ADCK5: variants seen among roughly 807,000 people sequenced by gnomAD.
The protein encoded by ADCK5 is uncharacterized aarF domain-containing protein kinase 5.
Under a neutral mutation model 64.9 loss-of-function variants are expected in ADCK5, and 43 were observed. The observed-to-expected ratio is 0.66, with a 90% CI of 0.52 to 0.85. The LOEUF is 0.85. Among genes scored for constraint, ADCK5 ranks in the 40% least tolerant of loss-of-function variants. The pLI is 0.00. For missense variants in ADCK5, 760 were observed against 810.5 expected (o/e 0.94, Z 0.76); for synonymous variants, 434 against 342.8 (o/e 1.27, Z -2.94).
intron 3 of ADCK5, among the ~76,000 whole-genome samples, chr8:144,386,936 C>T (rs1467354313): frequency 3.3e-5 from 5 of 152,232 alleles, no homozygotes; most frequent in Non-Finnish European, 7.3e-5. Context: ...TTCTTCATTG[C>T]ACATGATTGG....
intron 1 of ADCK5, chr8:144,375,781 G>A: frequency 1.8e-6 from 1 of 551,512 alleles, no homozygotes; most frequent in Non-Finnish European, 2.3e-6. Flanking sequence ...CTGACAGGGG[G>A]CACCCGTTTC....
In ADCK5 at chr8:144,390,980, A is replaced by G. The variant is rs781903388; in HGVS notation, c.467A>G (p.Asn156Ser). 1.1e-5 allele frequency: 17 copies of G among 1,612,888 alleles called. No homozygotes were observed. The highest frequency in any genetic ancestry group is 1.4e-5 in the Non-Finnish European group (17 of 1,179,962). The change falls in exon 5 of 15, where the codon AAC becomes AGC. Residue 156 changes from asparagine (N) to serine (S), a missense_variant. By Grantham distance (46) the Asn-to-Ser change is conservative. This residue lies in a region of ADCK5 where 427 missense variants were observed against 518.4 expected (regional missense o/e 0.82). Transcript: ENST00000308860. ...CTGGGCCAGGGGCTGTGCTCCTTCA[A>G]CCACCTGCTTCCCCCCGAGTATACC... ...VKLGQGLCSF[N>S]HLLPPEYTRT...
At chr8:144,383,004 G>A (rs1443289054) in intron 2 of ADCK5, 77 bp from the exon 3 acceptor site, 7 of 1,534,622 alleles carry the variant, frequency 4.6e-6, no homozygotes, top group Non-Finnish European at 6.2e-6. Flanking sequence ...ACGTGGTGCT[G>A]GGGGAGGTGG....
chr8:144,392,305 C>T lies in ADCK5; in HGVS notation c.1227C>T (p.Asp409=), dbSNP rs1261361064. 1.3e-6 allele frequency: 2 copies of T among 1,501,076 alleles called. No individual in the cohort carries two copies. The highest frequency in any genetic ancestry group is 1.4e-5 in the African/African-American group (1 of 72,140). 93.0% of individuals were successfully genotyped at this position (1,501,076 alleles called of 1,614,324 possible). The change falls in exon 12 of 15, where the codon GAC becomes GAT. Residue 409 remains aspartate, a synonymous_variant. Transcript: ENST00000308860. The stretch of plus-strand genomic sequence containing the variant: ...GGCGGGCCATCATCCTGCGGGACGA[C>T]GCCGCCATGAGGGCGCACGCAGCCG... ...QLWRAIILRD[D]AAMRAHAAAL... is the part of the protein sequence containing the mutation.
chr8:144,391,017 C>T lies in ADCK5; in HGVS notation c.504C>T (p.Arg168=), dbSNP rs375059392. 1.2e-4 allele frequency: 201 copies of T among 1,612,960 alleles called. No homozygotes were observed. Among genetic ancestry groups the T allele is most frequent in the Non-Finnish European group, 1.3e-4 (158 of 1,180,008 alleles). Residue 168 remains arginine, a synonymous_variant, in exon 5 of 15, where the codon CGC becomes CGT. Transcript: ENST00000308860. ...LLPPEYTRTL[R]VLEDRALKRG... is the part of the protein sequence containing the mutation. ...CCCCCGAGTATACCCGGACCCTGCG[C>T]GTGCTAGAGGACAGGGCCCTCAAGC...
At chr8:144,383,978 G>T (rs1381546892) in intron 3 of ADCK5, among the ~76,000 whole-genome samples, 1 of 135,628 alleles carries the variant, frequency 7.4e-6, no homozygotes, top group Non-Finnish European at 1.5e-5. Flanking sequence ...CTCAAGCCCC[G>T]CCTCCCTGGT....
intron 3 of ADCK5, among the ~76,000 whole-genome samples, chr8:144,386,423 T>A (rs939831066): frequency 3.2e-4 from 48 of 151,976 alleles, no homozygotes; most frequent in African/African-American, 1.1e-3. Flanking sequence ...AATGGTGGGA[T>A]CTCGGCTCAC....
In ADCK5 at chr8:144,392,189, G is replaced by T; in HGVS notation, c.1175+19G>T. On this transcript the variant is annotated intron_variant, in intron 11 of 14. Coordinates refer to ENST00000308860, the MANE Select transcript of ADCK5 (RefSeq NM_174922.5). ...AGGAGAAGTGAGCGCGGGTGGGTGG[G>T]CGTGGGGCAGGGCAAGCCTCTCCTG... 6.5e-7 allele frequency: 1 copy of T among 1,549,724 alleles called. No individual in the cohort carries two copies.
At position 144,382,613 on chromosome 8, in the gene ADCK5, C is replaced by A. The variant is rs909124831; in HGVS notation, c.117-468C>A. On this transcript the variant is annotated intron_variant, in intron 2 of 14. Transcript: ENST00000308860. The stretch of plus-strand genomic sequence containing the variant: ...TACTATATTCAATATGGGGCAAGCT[C>A]TGTTTCTTGCTCTGTACTGTCATGC... 8.5e-5 allele frequency among the ~76,000 whole-genome samples: 13 copies of A among 152,336 alleles called. 1 individual carries two copies. The South Asian group carries it at 2.7e-3, about 32-fold the overall frequency.
At chr8:144,381,758 A>T (rs13254040) in intron 2 of ADCK5, among the ~76,000 whole-genome samples, 5 of 127,794 alleles carry the variant, frequency 3.9e-5, no homozygotes, top group South Asian at 2.8e-4. Context: ...GGGTGCAGAA[A>T]CAGATGTGTG....
intron 1 of ADCK5, among the ~76,000 whole-genome samples, chr8:144,378,670 A>G (rs1354686651): frequency 1.3e-5 from 2 of 152,108 alleles, no homozygotes; most frequent in African/African-American, 4.8e-5. Context: ...ACTTGAGGTC[A>G]GGAGTTCTAG....
chr8:144,383,708 C>T (rs1389420833), intron 3 of ADCK5, among the ~76,000 whole-genome samples: 1 of 152,136 alleles, frequency 6.6e-6, no homozygotes, highest in Non-Finnish European at 1.5e-5. Context: ...CCCTTTCTTC[C>T]TCCATTACCT....
intron 1 of ADCK5, 64 bp downstream of exon 1, chr8:144,374,171 C>A: frequency 8.1e-7 from 1 of 1,239,798 alleles, no homozygotes; most frequent in Non-Finnish European, 1.0e-6. Context: ...ACCCGAGACC[C>A]GCAAGTCCCC....
At chr8:144,382,651 G>C (rs1819729707) in intron 2 of ADCK5, among the ~76,000 whole-genome samples, 1 of 152,232 alleles carries the variant, frequency 6.6e-6, no homozygotes, top group Non-Finnish European at 1.5e-5. Context: ...CTCAGCACGT[G>C]CCGACCGCAG....
chr8:144,391,612 C>T lies in ADCK5; in HGVS notation c.831C>T (p.Asp277=). ...AGGGGACCCTGGCCCAGGAGCTGGA[C>T]TTCGAGAATGAGGGCCGCAACGCAG... The part of the protein sequence containing the change: ...DLKGTLAQEL[D]FENEGRNAER... Residue 277 remains aspartate (D), a synonymous_variant, in exon 8 of 15, where the codon GAC becomes GAT. Coordinates refer to ENST00000308860, the MANE Select transcript of ADCK5 (RefSeq NM_174922.5). The T allele has an allele frequency of 6.4e-7, 1 of 1,570,894 alleles. No homozygotes were observed.
chr8:144,374,812 C>T (rs1370413613), intron 1 of ADCK5, among the ~76,000 whole-genome samples: 4 of 152,076 alleles, frequency 2.6e-5, no homozygotes, highest in African/African-American at 7.2e-5. Flanking sequence ...TCCGAGGCCC[C>T]CTCTCTCAGG....
At chr8:144,381,889 C>T (rs1819673665) in intron 2 of ADCK5, among the ~76,000 whole-genome samples, 1 of 145,580 alleles carries the variant, frequency 6.9e-6, no homozygotes, top group Non-Finnish European at 1.5e-5. Flanking sequence ...CAGGCCCCTG[C>T]CGCACTCAGG....
chr8:144,386,133 C>T (rs1369302291), intron 3 of ADCK5, among the ~76,000 whole-genome samples: 11 of 149,390 alleles, frequency 7.4e-5, no homozygotes, highest in African/African-American at 1.5e-4. Context: ...TTCGGCCTCC[C>T]GAGTAGCTGG....
intron 3 of ADCK5, among the ~76,000 whole-genome samples, chr8:144,386,108 A>G (rs576276937): frequency 5.3e-5 from 8 of 151,660 alleles, no homozygotes; most frequent in African/African-American, 1.9e-4. Flanking sequence ...TCCCAGGTTC[A>G]AGCAATTCTC....
Sources: allele counts gnomAD v4.1 joint callset (sites outside exome capture counted in the v4.1 genomes callset), GRCh38; gene constraint gnomAD v4.1.1; regional missense constraint gnomAD v4.1.1; transcripts MANE v1.5; gene names NCBI Gene and HGNC (gene_info 2026-07-23, HGNC 2026-07-21).